Variants in GNPTAB observed in about 807,000 individuals in gnomAD.
GNPTAB encodes N-acetylglucosamine-1-phosphotransferase subunits alpha/beta.
A neutral mutation model predicts 136.6 loss-of-function variants in GNPTAB; 92 were observed. The ratio of observed to expected loss-of-function variants is 0.67; its 90% CI spans 0.57 to 0.80. The LOEUF (loss-of-function observed/expected upper bound fraction) is 0.80, where lower values mean the gene tolerates loss of function less well. Ranked by LOEUF, GNPTAB falls within the 30% of genes least tolerant of loss-of-function variation. The probability of loss-of-function intolerance (pLI) is 0.00; values close to 1 mark genes in which losing one functional copy is unlikely to be tolerated. For missense variants in GNPTAB, 1,343 were observed against 1,501.8 expected, an observed-to-expected ratio of 0.89 and a Z score of 1.75; for synonymous variants, 512 against 535.1, an observed-to-expected ratio of 0.96 and a Z score of 0.60.
In GNPTAB at chr12:101,794,133, G is replaced by A. The variant is rs555110106; in HGVS notation, c.203+2544C>T. On this transcript the variant is annotated intron_variant, in intron 2 of 20. Coordinates refer to ENST00000299314, the MANE Select transcript of GNPTAB (RefSeq NM_024312.5). ...GCTAGGATTACAGGCGTGAGCCACC[G>A]TGCCTGGCCTTCAATAGTATTTTAG... Among the ~76,000 whole-genome samples the A allele has an allele frequency of 3.4e-3, 523 of 152,194 alleles. 2 individuals carry two copies. Among genetic ancestry groups the A allele is most frequent in the Non-Finnish European group, 5.2e-3 (353 of 68,008 alleles).
At chr12:101,808,799 T>C (rs1870076160) in intron 1 of GNPTAB, among the ~76,000 whole-genome samples, 1 of 151,594 alleles carries the variant, frequency 6.6e-6, no homozygotes, top group African/African-American at 2.4e-5. Context: ...AAATACAAAA[T>C]TAGCTGGGCG....
intron 1 of GNPTAB, among the ~76,000 whole-genome samples, chr12:101,825,272 G>C (rs1456606608): frequency 6.6e-6 from 1 of 152,180 alleles, no homozygotes; most frequent in Non-Finnish European, 1.5e-5. Context: ...TCTGACGACA[G>C]CATCTTCCAC....
At chr12:101,801,213 C>T (rs1394180157) in intron 1 of GNPTAB, among the ~76,000 whole-genome samples, 1 of 109,798 alleles carries the variant, frequency 9.1e-6, no homozygotes, top group East Asian at 2.9e-4. Context: ...GCCTAGGTGA[C>T]AGAACGAGAC....
chr12:101,748,743 G>A (rs1257607883), intron 20 of GNPTAB, among the ~76,000 whole-genome samples: 2 of 152,216 alleles, frequency 1.3e-5, no homozygotes, highest in African/African-American at 4.8e-5. Context: ...AAGGAAGCGT[G>A]AAAGAGAGGA....
chr12:101,781,538 A>G (rs937078908), intron 5 of GNPTAB, among the ~76,000 whole-genome samples: 20 of 152,214 alleles, frequency 1.3e-4, no homozygotes, highest in African/African-American at 4.6e-4. Context: ...CACAAAAACT[A>G]GCCGAGTGTG....
intron 6 of GNPTAB, 57 bp downstream of exon 6, chr12:101,780,500 A>T (rs1953326142): frequency 1.6e-6 from 2 of 1,288,300 alleles, no homozygotes; most frequent in East Asian, 2.4e-5. Flanking sequence ...CAGCTTTATT[A>T]TTCATATTTT....
intron 15 of GNPTAB, 21 bp downstream of exon 15, chr12:101,761,106 T>C: frequency 6.4e-7 from 1 of 1,559,142 alleles, no homozygotes. Flanking sequence ...TCAAAAAGTT[T>C]AGAATAAGAC....
intron 3 of GNPTAB, 120 bp from the exon 4 acceptor site, chr12:101,788,709 G>A (rs1280658908): frequency 1.5e-6 from 1 of 682,850 alleles, no homozygotes; most frequent in Non-Finnish European, 2.7e-6. Flanking sequence ...ATGGTACCAG[G>A]CTGTCAGCCA....
chr12:101,766,660 A>G (rs890055875), intron 11 of GNPTAB, among the ~76,000 whole-genome samples: 1 of 152,170 alleles, frequency 6.6e-6, no homozygotes, highest in African/African-American at 2.4e-5. Context: ...AACGAAAAAG[A>G]CAGTTCCTTA....
Position 101,754,731 on chromosome 12 carries a change from G to A in GNPTAB, c.3435-1192C>T, listed in dbSNP as rs1329180366. Among the ~76,000 whole-genome samples the A allele has an allele frequency of 1.9e-4, 24 of 123,538 alleles. 1 individual carries two copies. Among genetic ancestry groups the A allele is most frequent in the East Asian group, 9.2e-4 (4 of 4,346 alleles). The allele number at this position is 123,538 out of a possible 152,430, so 81.0% of individuals were successfully genotyped here. ...AGGCCAATACTTTTGAAGTAGATTC[G>A]CCAAAATTAAAAAAAAAAAAAATCA... On this transcript the variant is annotated intron_variant, in intron 18 of 20. Coordinates refer to ENST00000299314, the MANE Select transcript of GNPTAB (RefSeq NM_024312.5).
chr12:101,771,015 TC>T lies in GNPTAB; in HGVS notation c.913del (p.Asp305IlefsTer2). 1 of 1,614,108 alleles carries T rather than the reference TC, an allele frequency of 6.2e-7. No homozygotes were observed. Among genetic ancestry groups the T allele is most frequent in the South Asian group, 1.1e-5 (1 of 91,072 alleles). ...LTISPAYLLW[D>X]LSAISQSKQD... ...CCTTACCTGGCTGATGGCGCTCAGA[TC>T]CCATAATAAATATGCAGGACTTATG... On this transcript the variant is annotated frameshift_variant, in exon 8 of 21. Coordinates refer to ENST00000299314, the MANE Select transcript of GNPTAB (RefSeq NM_024312.5). LOFTEE classifies it high-confidence loss of function.
At chr12:101,785,835 C>T in intron 5 of GNPTAB, 177 bp downstream of exon 5, 2 of 605,140 alleles carry the variant, frequency 3.3e-6, no homozygotes, top group Admixed American at 2.9e-5. Context: ...ATATATGCAG[C>T]AATCCCTTTT....
intron 1 of GNPTAB, among the ~76,000 whole-genome samples, chr12:101,800,535 G>A (rs1869556155): frequency 6.8e-6 from 1 of 146,708 alleles, no homozygotes; most frequent in African/African-American, 2.5e-5. Flanking sequence ...GTGGAGGGAG[G>A]ATCACTTGAG....
At position 101,749,194 on chromosome 12, in the gene GNPTAB, G is replaced by A. The variant is rs1952780239; in HGVS notation, c.3603-3C>T. 1.9e-6 allele frequency: 3 copies of A among 1,585,344 alleles called. No individual in the cohort carries two copies. The highest frequency in any genetic ancestry group is 1.1e-5 in the South Asian group (1 of 90,490). ...TCAATTTGTCTCGATAAGCCCTCCT[G>A]TGCAGAGAGAAGAAAGCAACTATGT... On this transcript the variant is annotated splice_region_variant and splice_polypyrimidine_tract_variant and intron_variant, in intron 19 of 20. Transcript: ENST00000299314.
chr12:101,774,733 T>A (rs1183101521), intron 7 of GNPTAB, among the ~76,000 whole-genome samples: 1 of 152,240 alleles, frequency 6.6e-6, no homozygotes, highest in Non-Finnish European at 1.5e-5. Context: ...TAAGTGAGAA[T>A]ATTCAACAGT....
At chr12:101,780,069 G>A in intron 7 of GNPTAB, 83 bp downstream of exon 7, 1 of 1,350,808 alleles carries the variant, frequency 7.4e-7, no homozygotes, top group Non-Finnish European at 1.1e-6. Context: ...TAAACTTTGG[G>A]GGAAAAAAAT....
At chr12:101,804,137 C>T (rs553609486) in intron 1 of GNPTAB, among the ~76,000 whole-genome samples, 3 of 152,046 alleles carry the variant, frequency 2.0e-5, no homozygotes, top group African/African-American at 7.2e-5. Flanking sequence ...TTGCTTGAGC[C>T]CAGGAGCCGG....
intron 18 of GNPTAB, among the ~76,000 whole-genome samples, chr12:101,755,733 C>T (rs1024677710): frequency 4.6e-5 from 7 of 152,038 alleles, no homozygotes; most frequent in Non-Finnish European, 4.4e-5. Flanking sequence ...AAGCCTTCGT[C>T]GAAATAAAAC....
At chr12:101,803,125 T>C (rs1869738286) in intron 1 of GNPTAB, among the ~76,000 whole-genome samples, 1 of 152,122 alleles carries the variant, frequency 6.6e-6, no homozygotes, top group African/African-American at 2.4e-5. Context: ...CACTTTAACA[T>C]GCCAAGAGGC....
Sources: allele counts gnomAD v4.1 joint callset (sites outside exome capture counted in the v4.1 genomes callset), GRCh38; gene constraint gnomAD v4.1.1; transcripts MANE v1.5; gene names NCBI Gene and HGNC (gene_info 2026-07-23, HGNC 2026-07-21).